The following EPHA3 variants were observed in gnomAD, a reference collection of about 807,000 sequenced individuals.
The protein encoded by EPHA3 is EPH receptor A3.
In EPHA3, 42 loss-of-function variants were observed where a neutral mutation model predicts 107.1. The observed-to-expected ratio is 0.39, with a 90% CI of 0.31 to 0.51. The LOEUF (loss-of-function observed/expected upper bound fraction) is 0.51. Ranked by LOEUF, EPHA3 falls within the 20% of genes least tolerant of loss-of-function variation. The probability of loss-of-function intolerance (pLI) is 0.78; values close to 1 mark genes in which losing one functional copy is unlikely to be tolerated. For missense variants in EPHA3, 1,183 were observed against 1,211.2 expected (o/e 0.98, Z 0.35); for synonymous variants, 461 against 424.8 (o/e 1.09, Z -1.05).
chr3:89,141,968 T>C (rs529686895), intron 2 of EPHA3, among the ~76,000 whole-genome samples: 1 of 151,502 alleles, frequency 6.6e-6, no homozygotes, highest in African/African-American at 2.4e-5. Flanking sequence ...ATTTATATAA[T>C]GTACTTCTAG....
chr3:89,211,742 CCT>C, intron 3 of EPHA3, among the ~76,000 whole-genome samples: 1 of 19,538 alleles, frequency 5.1e-5, no homozygotes, highest in African/African-American at 1.6e-4. Context: ...TTCTTCTTCT[CCT>C]TCTTCTTCTT....
chr3:89,129,602 G>GTT (rs11378105), intron 2 of EPHA3, among the ~76,000 whole-genome samples: 1,723 of 134,378 alleles, frequency 0.013, 50 homozygotes, highest in African/African-American at 0.039. Context: ...ACATTAGATT[G>GTT]TTTTTTTTTT....
At chr3:89,353,607 A>T (rs1707881132) in intron 5 of EPHA3, among the ~76,000 whole-genome samples, 1 of 151,274 alleles carries the variant, frequency 6.6e-6, no homozygotes, top group South Asian at 2.1e-4. Flanking sequence ...GCATCTGGGA[A>T]TGTCACTGTG....
intron 13 of EPHA3, among the ~76,000 whole-genome samples, chr3:89,435,897 G>A (rs1395670215): frequency 8.6e-5 from 13 of 150,626 alleles, no homozygotes; most frequent in East Asian, 7.8e-4. Context: ...AGGTTGCAGC[G>A]AACGGAGATT....
chr3:89,146,175 A>AATC lies in EPHA3; in HGVS notation c.153+18906_153+18908dup, dbSNP rs138282506. On this transcript the variant is annotated intron_variant, in intron 2 of 16. Transcript: ENST00000336596. ...CCTGCTCCATCCCACTCAGGGCATG[A>AATC]ATCATCCCTTTCTCCAGGGTATCCT... Among the ~76,000 whole-genome samples the AATC allele has an allele frequency of 8.9e-3, 1,359 of 151,974 alleles. 11 individuals carry two copies. The highest frequency in any genetic ancestry group is 0.027 in the East Asian group (137 of 5,126).
chr3:89,330,940 T>G (rs1204002352), intron 3 of EPHA3, among the ~76,000 whole-genome samples: 1 of 152,122 alleles, frequency 6.6e-6, no homozygotes, highest in Admixed American at 6.6e-5. Context: ...ATGTTGCATG[T>G]TTTTGAAGGG....
intron 3 of EPHA3, among the ~76,000 whole-genome samples, chr3:89,252,865 TTAATA>T (rs1323662344): frequency 2.7e-5 from 4 of 149,558 alleles, no homozygotes; most frequent in Non-Finnish European, 5.9e-5. Flanking sequence ...TACATTATAC[TTAATA>T]TAATATATGA....
chr3:89,216,667 T>A (rs1453030258), intron 3 of EPHA3, among the ~76,000 whole-genome samples: 1 of 152,050 alleles, frequency 6.6e-6, no homozygotes, highest in Non-Finnish European at 1.5e-5. Flanking sequence ...TGTTAAAGCA[T>A]ACATGTTATA....
chr3:89,289,910 C>A (rs1396134721), intron 3 of EPHA3, among the ~76,000 whole-genome samples: 2 of 152,044 alleles, frequency 1.3e-5, no homozygotes, highest in African/African-American at 4.8e-5. Flanking sequence ...TTGAGTGAAG[C>A]CATTGTGGGT....
At chr3:89,218,759 G>A (rs1704279161) in intron 3 of EPHA3, among the ~76,000 whole-genome samples, 1 of 152,120 alleles carries the variant, frequency 6.6e-6, no homozygotes, top group African/African-American at 2.4e-5. Context: ...TCAGAGAAAT[G>A]CAAATCAAAA....
At chr3:89,249,256 A>G (rs1319505612) in intron 3 of EPHA3, among the ~76,000 whole-genome samples, 1 of 152,224 alleles carries the variant, frequency 6.6e-6, no homozygotes, top group African/African-American at 2.4e-5. Context: ...ATAAGAGCAC[A>G]TGGGATATGA....
intron 2 of EPHA3, among the ~76,000 whole-genome samples, chr3:89,178,679 T>A (rs1365500207): frequency 6.6e-6 from 1 of 151,916 alleles, no homozygotes; most frequent in Non-Finnish European, 1.5e-5. Flanking sequence ...AATAATATAA[T>A]GTATTAACTA....
chr3:89,142,639 C>T (rs562800951), intron 2 of EPHA3, among the ~76,000 whole-genome samples: 3 of 151,600 alleles, frequency 2.0e-5, no homozygotes, highest in African/African-American at 7.2e-5. Context: ...GAAATAGACA[C>T]TTTTGAATTG....
intron 2 of EPHA3, among the ~76,000 whole-genome samples, chr3:89,189,700 C>T (rs1705657052): frequency 6.6e-6 from 1 of 152,218 alleles, no homozygotes; most frequent in African/African-American, 2.4e-5. Flanking sequence ...TTCTGTATTG[C>T]TCCCCTGACA....
rs2107555139 is a variant in EPHA3, at chr3:89,450,263, G to A, written c.2583G>A (p.Trp861Ter). ...TGTATCAGCTGATGCTGGACTGCTG[G>A]CAGAAAGACAGGAACAACAGACCCA... ...AALYQLMLDCWQKDRNNRPKF... is the reference protein window; with the variant it reads ...AALYQLMLDC The change falls in exon 15 of 17, where the codon TGG becomes TGA. Residue 861 changes from tryptophan (W) to a stop codon, truncating the protein, a stop_gained. Coordinates refer to ENST00000336596, the MANE Select transcript of EPHA3 (RefSeq NM_005233.6). LOFTEE classifies it high-confidence loss of function. 1 of 1,613,954 alleles carries A rather than the reference G, an allele frequency of 6.2e-7. No homozygotes were observed. The highest frequency in any genetic ancestry group is 8.5e-7 in the Non-Finnish European group (1 of 1,179,938).
intron 11 of EPHA3, 69 bp from the exon 12 acceptor site, chr3:89,429,037 T>A: frequency 9.2e-7 from 1 of 1,082,524 alleles, no homozygotes; most frequent in Non-Finnish European, 1.3e-6. Flanking sequence ...AATCCAACTA[T>A]ATTATATATG....
chr3:89,281,184 C>A (rs934186770), intron 3 of EPHA3, among the ~76,000 whole-genome samples: 2 of 152,026 alleles, frequency 1.3e-5, no homozygotes, highest in African/African-American at 4.8e-5. Flanking sequence ...CCGCCACGCC[C>A]GGCTAATTTC....
At chr3:89,421,310 A>G (rs1167035697) in intron 11 of EPHA3, among the ~76,000 whole-genome samples, 1 of 151,338 alleles carries the variant, frequency 6.6e-6, no homozygotes, top group Admixed American at 6.6e-5. Context: ...ACCAATGTTG[A>G]AAAATTAAAA....
At chr3:89,217,322 C>A (rs1483733129) in intron 3 of EPHA3, among the ~76,000 whole-genome samples, 1 of 151,950 alleles carries the variant, frequency 6.6e-6, no homozygotes, top group Admixed American at 6.6e-5. Context: ...TTCCAGTATG[C>A]GGACAAAACA....
Sources: gnomAD v4.1 joint callset for allele counts (sites outside exome capture counted in the v4.1 genomes callset) on GRCh38, gnomAD v4.1.1 for gene constraint, MANE v1.5 for transcripts, NCBI Gene and HGNC (gene_info 2026-07-23, HGNC 2026-07-21) for gene names.